The following GRIN2D variants were observed in gnomAD, a reference collection of about 807,000 sequenced individuals.
GRIN2D encodes glutamate receptor ionotropic, NMDA 2D.
In GRIN2D, 37 loss-of-function variants were observed where a neutral mutation model predicts 103.2. That is an observed-to-expected ratio of 0.36 (90% confidence interval 0.28 to 0.47). The LOEUF (loss-of-function observed/expected upper bound fraction) is 0.47. Ranked by LOEUF, GRIN2D falls within the 20% of genes least tolerant of loss-of-function variation. GRIN2D has a pLI of 1.00. For synonymous variants in GRIN2D, 845 were observed against 885.6 expected, an observed-to-expected ratio of 0.95 and a Z score of 0.81; for missense variants, 1,557 against 1,910.6, an observed-to-expected ratio of 0.81 and a Z score of 3.45.
rs1295884059 is a variant in GRIN2D, at chr19:48,421,425, T to C, written c.2092-360T>C. ...CCTGGGCAACAAGAGCAAGACTCCG[T>C]TTAAAAAAAAAAAAGTGAACTATTT... On this transcript the variant is annotated intron_variant, in intron 10 of 13. Transcript: ENST00000263269. This position sits in a 1 kb window ranked among gnomAD's most constrained non-coding sequence, Gnocchi z 4.8. Among the ~76,000 whole-genome samples, 1 of 86,620 alleles carries C rather than the reference T, an allele frequency of 1.2e-5. No individual in the cohort carries two copies. Among genetic ancestry groups the C allele is most frequent in the Non-Finnish European group, 1.9e-5 (1 of 51,310 alleles). The allele number at this position is 86,620 out of a possible 152,430, so 56.8% of individuals were successfully genotyped here.
intron 3 of GRIN2D, among the ~76,000 whole-genome samples, chr19:48,402,996 C>T (rs551988781): frequency 1.3e-5 from 2 of 151,814 alleles, no homozygotes; most frequent in Non-Finnish European, 2.9e-5. Context: ...TTCAGAAGTT[C>T]GAGACCAGCT....
intron 3 of GRIN2D, among the ~76,000 whole-genome samples, chr19:48,403,448 T>C (rs915584430): frequency 1.3e-5 from 2 of 152,210 alleles, no homozygotes; most frequent in Non-Finnish European, 2.9e-5. Flanking sequence ...AACATTTTTT[T>C]CCTCTGGTCC....
At chr19:48,409,587 A>G (rs1363413231) in intron 4 of GRIN2D, among the ~76,000 whole-genome samples, 1 of 151,780 alleles carries the variant, frequency 6.6e-6, no homozygotes, top group African/African-American at 2.4e-5. Flanking sequence ...GTAAATTTCA[A>G]TATGAGTTTT....
rs1970600890 is a variant in GRIN2D, at chr19:48,394,148, A to C, written c.-306+280A>C. ...GTCTGTCCAAACAGCCCCTATCAGCAGTGGCAGCCTGGCCCCCATTAGACC... is the reference window on the plus strand; with the variant it reads ...GTCTGTCCAAACAGCCCCTATCAGCCGTGGCAGCCTGGCCCCCATTAGACC... On this transcript the variant is annotated intron_variant, in intron 1 of 13. Coordinates refer to ENST00000263269, the MANE Select transcript of GRIN2D (RefSeq NM_000836.4). This position sits in a 1 kb window ranked among gnomAD's most constrained non-coding sequence, Gnocchi z 5.1. Among the ~76,000 whole-genome samples, 1 of 151,782 alleles carries C rather than the reference A, an allele frequency of 6.6e-6. No individual in the cohort carries two copies.
intron 11 of GRIN2D, among the ~76,000 whole-genome samples, chr19:48,431,592 T>A (rs1434422533): frequency 1.3e-5 from 2 of 151,958 alleles, no homozygotes; most frequent in Non-Finnish European, 2.9e-5. Context: ...TCCCTTTTTT[T>A]TTTTTTTTTG....
chr19:48,430,947 A>G (rs1569069894), intron 11 of GRIN2D, among the ~76,000 whole-genome samples: 1 of 151,340 alleles, frequency 6.6e-6, no homozygotes, highest in Non-Finnish European at 1.5e-5. Flanking sequence ...AGCCTCCCAA[A>G]TAGCTGGGAT....
intron 11 of GRIN2D, among the ~76,000 whole-genome samples, chr19:48,429,983 A>G (rs1971136233): frequency 6.6e-6 from 1 of 152,264 alleles, no homozygotes; most frequent in East Asian, 1.9e-4. Flanking sequence ...CCATGTTTGC[A>G]TGACTACCTC....
At chr19:48,438,587 C>T (rs910764647) in intron 11 of GRIN2D, among the ~76,000 whole-genome samples, 5 of 151,542 alleles carry the variant, frequency 3.3e-5, no homozygotes, top group Non-Finnish European at 5.9e-5. Flanking sequence ...CATTAGCCAC[C>T]GTGCCCGGCC....
rs1366510668 is a variant in GRIN2D, at chr19:48,394,183, G to C, written c.-306+315G>C. Among the ~76,000 whole-genome samples the C allele has an allele frequency of 3.3e-5, 5 of 151,870 alleles. No homozygotes were observed. Among genetic ancestry groups the C allele is most frequent in the Non-Finnish European group, 5.9e-5 (4 of 67,900 alleles). On this transcript the variant is annotated intron_variant, in intron 1 of 13. Coordinates refer to ENST00000263269, the MANE Select transcript of GRIN2D (RefSeq NM_000836.4). The surrounding 1 kb of genome is among the most constrained non-coding windows in gnomAD (Gnocchi z 5.1). ...TGGCCCCCATTAGACCCCCCACTCT[G>C]TGTGTGTGTGTCTGTGTGTGTGTCC...
chr19:48,419,402 C>T, intron 9 of GRIN2D, 43 bp downstream of exon 9: 1 of 1,577,554 alleles, frequency 6.3e-7, no homozygotes, highest in Non-Finnish European at 8.6e-7. Flanking sequence ...AGATCCCGAA[C>T]CACAGAGACA....
rs943647286 is a variant in GRIN2D at position 48,442,037 on chromosome 19, C to T, written c.2440+81C>T. ...GTTCCGGGGAAGAAAGGGACAAAGA[C>T]CCGGACACCAGGGTCTGAGGGAGGA... On this transcript the variant is annotated intron_variant, in intron 12 of 13. Coordinates refer to ENST00000263269, the MANE Select transcript of GRIN2D (RefSeq NM_000836.4). This position sits in a 1 kb window ranked among gnomAD's most constrained non-coding sequence, Gnocchi z 7.2. 1 of 1,514,292 alleles carries T rather than the reference C, an allele frequency of 6.6e-7. No individual in the cohort carries two copies. Among genetic ancestry groups the T allele is most frequent in the Non-Finnish European group, 9.0e-7 (1 of 1,109,128 alleles). 93.8% of individuals were successfully genotyped at this position (1,514,292 alleles called of 1,614,324 possible).
Position 48,442,662 on chromosome 19 carries a change from ACAGCCCCTGCC to A in GRIN2D, c.2744_2754del (p.Leu915ArgfsTer413). 1 of 1,453,000 alleles carries A rather than the reference ACAGCCCCTGCC, an allele frequency of 6.9e-7. No homozygotes were observed. Among genetic ancestry groups the A allele is most frequent in the Non-Finnish European group, 9.1e-7 (1 of 1,100,162 alleles). The allele number at this position is 1,453,000 out of a possible 1,614,324, so 90.0% of individuals were successfully genotyped here. ...CGCCCGCCAAGCCCCCGCCGCCGCCACAGCCCCTGCCCAGCCCCGCGTACCCCGCGCCGCGG... is the reference window on the plus strand; with the variant it reads ...CGCCCGCCAAGCCCCCGCCGCCGCCACAGCCCCGCGTACCCCGCGCCGCGG... On this transcript the variant is annotated frameshift_variant, in exon 14 of 14. Coordinates refer to ENST00000263269, the MANE Select transcript of GRIN2D (RefSeq NM_000836.4). LOFTEE classifies it high-confidence loss of function. The surrounding 1 kb of genome is among the most constrained non-coding windows in gnomAD (Gnocchi z 7.2).
chr19:48,431,530 T>C (rs529097163), intron 11 of GRIN2D, among the ~76,000 whole-genome samples: 1 of 152,286 alleles, frequency 6.6e-6, no homozygotes, highest in African/African-American at 2.4e-5. Flanking sequence ...TGTTGTTTCT[T>C]TTCCTTGTCC....
At chr19:48,434,400 C>A (rs1423737041) in intron 11 of GRIN2D, among the ~76,000 whole-genome samples, 1 of 152,106 alleles carries the variant, frequency 6.6e-6, no homozygotes, top group Non-Finnish European at 1.5e-5. Context: ...ACTACAGGCA[C>A]ACGCAACCAC....
chr19:48,407,155 A>G (rs1970803099), intron 4 of GRIN2D, among the ~76,000 whole-genome samples: 1 of 149,990 alleles, frequency 6.7e-6, no homozygotes, highest in Non-Finnish European at 1.5e-5. Context: ...TTTTTTTTGT[A>G]TTTTTAGTAG....
rs879634908 is a variant in GRIN2D, at chr19:48,401,256, A to AG, written c.465+2408dup. ...TAATTCCTAGGGAATACAGTTCTAG[A>AG]GGGGGGGGGAAAAAAAGAGAGGGAG... On this transcript the variant is annotated intron_variant, in intron 3 of 13. Transcript: ENST00000263269. Among the ~76,000 whole-genome samples, 136 of 151,080 alleles carry AG rather than the reference A, an allele frequency of 9.0e-4. 1 individual carries two copies. Among genetic ancestry groups the AG allele is most frequent in the Admixed American group, 1.8e-3 (28 of 15,154 alleles).
intron 3 of GRIN2D, among the ~76,000 whole-genome samples, chr19:48,401,264 G>A (rs1699935): frequency 0.58 from 86,974 of 149,416 alleles, 26,518 homozygotes; most frequent in East Asian, 0.8. Flanking sequence ...AGAGGGGGGG[G>A]GAAAAAAAGA....
Position 48,442,661 on chromosome 19 carries a change from C to G in GRIN2D, c.2735C>G (p.Pro912Arg), listed in dbSNP as rs1405194081. The G allele has an allele frequency of 3.2e-5, 47 of 1,467,650 alleles. No homozygotes were observed. The highest frequency in any genetic ancestry group is 4.2e-5 in the Non-Finnish European group (47 of 1,110,768). 90.9% of individuals were successfully genotyped at this position (1,467,650 alleles called of 1,614,324 possible). Residue 912 changes from proline to arginine, a missense_variant, in exon 14 of 14, where the codon CCA (proline) becomes CGA (arginine). Physicochemically the swap from Pro to Arg is moderately radical, Grantham distance 103. Coordinates refer to ENST00000263269, the MANE Select transcript of GRIN2D (RefSeq NM_000836.4). The surrounding 1 kb of genome is among the most constrained non-coding windows in gnomAD (Gnocchi z 7.2). ...CCGCCCGCCAAGCCCCCGCCGCCGCCACAGCCCCTGCCCAGCCCCGCGTAC... is the reference window on the plus strand; with the variant it reads ...CCGCCCGCCAAGCCCCCGCCGCCGCGACAGCCCCTGCCCAGCCCCGCGTAC... ...APPPAKPPPP[P>R]QPLPSPAYPA...
At chr19:48,426,224 C>CTTTTTTTTTTTTTTTTTT (rs369360320) in intron 11 of GRIN2D, among the ~76,000 whole-genome samples, 23 of 120,086 alleles carry the variant, frequency 1.9e-4, no homozygotes, top group African/African-American at 6.1e-4. Flanking sequence ...TTCTTTCTTT[C>CTTTTTTTTTTTTTTTTTT]TTTTTTTTTT....
Sources: gnomAD v4.1 joint callset for allele counts (sites outside exome capture counted in the v4.1 genomes callset) on GRCh38, gnomAD v4.1.1 for gene constraint, Gnocchi (gnomAD v3.1) non-coding constraint, MANE v1.5 for transcripts, NCBI Gene and HGNC (gene_info 2026-07-23, HGNC 2026-07-21) for gene names.